HCN1: variants seen among roughly 807,000 people sequenced by gnomAD.
HCN1 encodes hyperpolarization activated cyclic nucleotide gated potassium channel 1, also known as potassium/sodium hyperpolarization-activated cyclic nucleotide-gated channel 1.
A neutral mutation model predicts 78.9 loss-of-function variants in HCN1; 13 were observed. The observed-to-expected ratio is 0.16, with a 90% confidence interval of 0.11 to 0.26. HCN1 has a LOEUF of 0.26. Ranked by LOEUF, HCN1 falls within the 10% of genes least tolerant of loss-of-function variation. The pLI, the probability that HCN1 is intolerant of heterozygous loss-of-function variation, is 1.00. For synonymous variants in HCN1, 552 were observed against 455.5 expected (o/e 1.21, Z -2.70); for missense variants, 810 against 1,154.3 (o/e 0.70, Z 4.32).
At chr5:45,657,584 T>C (rs983621118) in intron 1 of HCN1, among the ~76,000 whole-genome samples, 1 of 152,306 alleles carries the variant, frequency 6.6e-6, no homozygotes, top group South Asian at 2.1e-4. Context: ...TTGGCTCACT[T>C]TTTAAAGATA....
At chr5:45,383,944 C>T (rs1747864899) in intron 4 of HCN1, among the ~76,000 whole-genome samples, 1 of 152,024 alleles carries the variant, frequency 6.6e-6, no homozygotes, top group African/African-American at 2.4e-5. Flanking sequence ...CAACCTTATA[C>T]AACATCTGAG....
At chr5:45,672,048 G>C (rs1294492295) in intron 1 of HCN1, among the ~76,000 whole-genome samples, 1 of 151,524 alleles carries the variant, frequency 6.6e-6, no homozygotes, top group Admixed American at 6.6e-5. Context: ...GGGTGGCAGA[G>C]AGGAAAGAAA....
chr5:45,409,129 ATAAT>A (rs1739980774), intron 3 of HCN1, among the ~76,000 whole-genome samples: 1 of 152,070 alleles, frequency 6.6e-6, no homozygotes, highest in Admixed American at 6.6e-5. Flanking sequence ...ACTTTTTATG[ATAAT>A]TAAACAAGAG....
intron 4 of HCN1, among the ~76,000 whole-genome samples, chr5:45,357,833 C>T (rs2111987980): frequency 6.6e-6 from 1 of 152,074 alleles, no homozygotes; most frequent in East Asian, 1.9e-4. Context: ...GTGTTCGGGT[C>T]ATAGGGGTGG....
intron 2 of HCN1, among the ~76,000 whole-genome samples, chr5:45,482,710 C>T (rs182279995): frequency 2.6e-5 from 4 of 152,232 alleles, no homozygotes; most frequent in Non-Finnish European, 4.4e-5. Flanking sequence ...AATCCCGTCA[C>T]CCAGGTAGTG....
chr5:45,458,869 G>C (rs1270803968), intron 3 of HCN1, among the ~76,000 whole-genome samples: 1 of 152,072 alleles, frequency 6.6e-6, no homozygotes, highest in African/African-American at 2.4e-5. Flanking sequence ...TTTGTATATA[G>C]TAAGTGTATT....
At chr5:45,300,234 C>A (rs1211236893) in intron 6 of HCN1, among the ~76,000 whole-genome samples, 1 of 151,998 alleles carries the variant, frequency 6.6e-6, no homozygotes, top group Non-Finnish European at 1.5e-5. Context: ...GAAACTGACT[C>A]AAAGACTTTT....
intron 2 of HCN1, among the ~76,000 whole-genome samples, chr5:45,616,239 G>A (rs1208081209): frequency 3.3e-5 from 5 of 151,892 alleles, no homozygotes; most frequent in Non-Finnish European, 7.4e-5. Context: ...GGCATAACGT[G>A]ATAATACATG....
At chr5:45,397,255 G>T (rs1198177363) in intron 3 of HCN1, among the ~76,000 whole-genome samples, 1 of 152,090 alleles carries the variant, frequency 6.6e-6, no homozygotes, top group Non-Finnish European at 1.5e-5. Context: ...TAAATGGAAA[G>T]ACTTCCTTGA....
At chr5:45,507,887 C>A (rs971912012) in intron 2 of HCN1, among the ~76,000 whole-genome samples, 12 of 151,922 alleles carry the variant, frequency 7.9e-5, no homozygotes, top group African/African-American at 2.9e-4. Context: ...TATTATAATT[C>A]CATGATAAAA....
chr5:45,504,369 C>A (rs951386906), intron 2 of HCN1, among the ~76,000 whole-genome samples: 3 of 151,932 alleles, frequency 2.0e-5, no homozygotes, highest in South Asian at 2.1e-4. Flanking sequence ...TTTGTTCTTG[C>A]GATAGTTTGC....
intron 2 of HCN1, among the ~76,000 whole-genome samples, chr5:45,490,165 G>C (rs554594137): frequency 3.3e-5 from 5 of 152,212 alleles, no homozygotes; most frequent in African/African-American, 1.2e-4. Context: ...GGAGAAAATA[G>C]CTCATTTGGA....
At chr5:45,291,825 C>T (rs1745383093) in intron 6 of HCN1, among the ~76,000 whole-genome samples, 1 of 152,036 alleles carries the variant, frequency 6.6e-6, no homozygotes, top group South Asian at 2.1e-4. Context: ...CCACCACATC[C>T]AGTGCTGTCC....
chr5:45,658,457 T>C (rs1326023757), intron 1 of HCN1, among the ~76,000 whole-genome samples: 1 of 152,154 alleles, frequency 6.6e-6, no homozygotes, highest in Non-Finnish European at 1.5e-5. Flanking sequence ...GGAGCCAAGA[T>C]GGCCGAATAG....
intron 4 of HCN1, among the ~76,000 whole-genome samples, chr5:45,372,932 T>C (rs1399280279): frequency 7.1e-6 from 1 of 141,250 alleles, no homozygotes; most frequent in Non-Finnish European, 1.5e-5. Flanking sequence ...ACGTATTTTA[T>C]ACATAAAAAT....
At chr5:45,666,759 T>C (rs1458172259) in intron 1 of HCN1, among the ~76,000 whole-genome samples, 1 of 151,970 alleles carries the variant, frequency 6.6e-6, no homozygotes, top group African/African-American at 2.4e-5. Flanking sequence ...ACTCCCTAAA[T>C]AAATTGAATA....
intron 5 of HCN1, among the ~76,000 whole-genome samples, chr5:45,316,850 T>C (rs971749097): frequency 2.0e-5 from 3 of 151,932 alleles, no homozygotes; most frequent in Non-Finnish European, 2.9e-5. Context: ...AGGAATCCAA[T>C]TTACAAGGGC....
At chr5:45,392,489 C>T (rs897527562) in intron 4 of HCN1, among the ~76,000 whole-genome samples, 8 of 151,964 alleles carry the variant, frequency 5.3e-5, no homozygotes, top group African/African-American at 1.7e-4. Flanking sequence ...CTTTGTATAG[C>T]TGAGAGAGTA....
At chr5:45,428,166 C>G (rs1252511128) in intron 3 of HCN1, among the ~76,000 whole-genome samples, 1 of 151,824 alleles carries the variant, frequency 6.6e-6, no homozygotes, top group East Asian at 1.9e-4. Context: ...TGCAAAGCAC[C>G]TGGCATATGA....
Sources: gnomAD v4.1 joint callset for allele counts (sites outside exome capture counted in the v4.1 genomes callset) on GRCh38, gnomAD v4.1.1 for gene constraint, MANE v1.5 for transcripts, NCBI Gene and HGNC (gene_info 2026-07-23, HGNC 2026-07-21) for gene names.